DSP: variants seen among roughly 807,000 people sequenced by gnomAD.
DSP encodes 250/210 kDa paraneoplastic pemphigus antigen.
In DSP, 114 loss-of-function variants were observed where a neutral mutation model predicts 290.6. That is an observed-to-expected ratio of 0.39 (90% CI 0.34 to 0.46). The LOEUF (loss-of-function observed/expected upper bound fraction) is 0.46, where lower values mean the gene tolerates loss of function less well. Among genes scored for constraint, DSP ranks in the 20% least tolerant of loss-of-function variants. The probability of loss-of-function intolerance (pLI) is 0.99; values close to 1 mark genes in which losing one functional copy is unlikely to be tolerated. For missense variants in DSP, 3,230 were observed against 3,495.8 expected, an observed-to-expected ratio of 0.92 and a Z score of 1.92; for synonymous variants, 1,311 against 1,316.4, an observed-to-expected ratio of 1.00 and a Z score of 0.09.
chr6:7,575,610 T>A, intron 18 of DSP, 122 bp downstream of exon 18: 1 of 1,161,986 alleles, frequency 8.6e-7, no homozygotes. Flanking sequence ...AAGTTAGGCG[T>A]AACAGATGCT....
rs1236519019 is a variant in DSP, at chr6:7,583,727, T to C, written c.6465T>C (p.Asp2155=). 4 of 1,613,950 alleles carry C rather than the reference T, an allele frequency of 2.5e-6. No individual in the cohort carries two copies. Among genetic ancestry groups the C allele is most frequent in the Admixed American group, 3.3e-5 (2 of 59,988 alleles). The stretch of plus-strand genomic sequence containing the variant: ...TCGCCTTGGCCCGGGGGCTGATTGA[T>C]AGAGATTTGTATCGATCCCTGAATG... ...KDVALARGLI[D]RDLYRSLNDP... Residue 2155 remains aspartate, a synonymous_variant, in exon 24 of 24, where the codon GAT becomes GAC. Transcript: ENST00000379802. The surrounding 1 kb of genome is among the most constrained non-coding windows in gnomAD (Gnocchi z 4.0).
At chr6:7,568,832 C>T (rs1159246491) in intron 11 of DSP, among the ~76,000 whole-genome samples, 1 of 152,110 alleles carries the variant, frequency 6.6e-6, no homozygotes, top group Admixed American at 6.5e-5. Flanking sequence ...TAATACTTTT[C>T]TTCTAGTATG....
In DSP at chr6:7,574,094, G is replaced by T. The variant is rs1404956270; in HGVS notation, c.2139G>T (p.Gln713His). Residue 713 changes from glutamine to histidine, a missense_variant, in exon 16 of 24, where the codon CAG becomes CAT. Around this residue, in one of 5 missense-constraint regions of DSP, gnomAD observed 1,714 missense variants for 1,844.5 expected, o/e 0.93. Coordinates refer to ENST00000379802, the MANE Select transcript of DSP (RefSeq NM_004415.4). ...TVKINELKSV[Q>H]NDSQAIAEVL... is the part of the protein sequence containing the mutation. ...TCCTTCATTTTTGACAGAGTGTGCA[G>T]AATGATTCACAAGCAATTGCTGAGG... 1.2e-6 allele frequency: 2 copies of T among 1,614,074 alleles called. No individual in the cohort carries two copies. The highest frequency in any genetic ancestry group is 1.7e-6 in the Non-Finnish European group (2 of 1,179,958).
Position 7,575,360 on chromosome 6 carries a change from A to G in DSP, c.2502A>G (p.Lys834=), listed in dbSNP as rs764842338. ...LLATMKTELQ[K]AQQIHSQTSQ... is the part of the protein sequence containing the mutation. ...CCACTATGAAGACAGAACTACAGAA[A>G]GCCCAGCAGATCCACTCTCAGACTT... The change falls in exon 18 of 24, where the codon AAA becomes AAG. Residue 834 remains lysine (K), a synonymous_variant. Transcript: ENST00000379802. The G allele has an allele frequency of 5.0e-6, 8 of 1,614,160 alleles. No homozygotes were observed. Among genetic ancestry groups the G allele is most frequent in the Non-Finnish European group, 6.8e-6 (8 of 1,180,036 alleles).
chr6:7,543,378 G>C (rs1301126421), intron 1 of DSP, among the ~76,000 whole-genome samples: 1 of 141,368 alleles, frequency 7.1e-6, no homozygotes, highest in Admixed American at 7.1e-5. Flanking sequence ...GGGGCATCCT[G>C]AAAATCTATT....
intron 3 of DSP, among the ~76,000 whole-genome samples, chr6:7,558,589 G>A (rs1016876927): frequency 4.1e-5 from 6 of 145,170 alleles, no homozygotes; most frequent in East Asian, 2.0e-4. Context: ...AATGTGGCTC[G>A]CCGCAGCCTC....
intron 1 of DSP, 99 bp downstream of exon 1, chr6:7,542,184 A>C: frequency 2.0e-6 from 3 of 1,493,332 alleles, no homozygotes; most frequent in Non-Finnish European, 2.7e-6. Flanking sequence ...CGAAGGTGGA[A>C]AGGTTTTTTT....
intron 4 of DSP, among the ~76,000 whole-genome samples, chr6:7,560,579 A>G (rs1441921538): frequency 6.6e-6 from 1 of 152,220 alleles, no homozygotes; most frequent in Non-Finnish European, 1.5e-5. Context: ...AATGAATGTT[A>G]TCGAAGAAAA....
At position 7,565,533 on chromosome 6, in the gene DSP, C is replaced by A; in HGVS notation, c.939+13C>A. The A allele has an allele frequency of 6.2e-7, 1 of 1,613,784 alleles. No individual in the cohort carries two copies. The highest frequency in any genetic ancestry group is 1.3e-5 in the African/African-American group (1 of 75,002). ...GGAGGCCTTCTCCGTAAGTTCACCCCACGCGGCTGTAGATGCTTGTCTTGA... is the reference window on the plus strand; with the variant it reads ...GGAGGCCTTCTCCGTAAGTTCACCCAACGCGGCTGTAGATGCTTGTCTTGA... On this transcript the variant is annotated intron_variant, in intron 7 of 23. Transcript: ENST00000379802. The surrounding 1 kb of genome is among the most constrained non-coding windows in gnomAD (Gnocchi z 4.2).
intron 20 of DSP, 84 bp from the exon 21 acceptor site, chr6:7,577,695 G>C: frequency 8.9e-7 from 1 of 1,127,598 alleles, no homozygotes; most frequent in Non-Finnish European, 1.3e-6. Context: ...GCAGCCCAAT[G>C]ATTTAAAACT....
At chr6:7,563,341 A>T in intron 5 of DSP, among the ~76,000 whole-genome samples, 1 of 142,338 alleles carries the variant, frequency 7.0e-6, no homozygotes, top group Non-Finnish European at 1.5e-5. Context: ...ACCTGAGACC[A>T]TAGCTTCTCA....
chr6:7,549,669 T>C (rs1236225054), intron 1 of DSP, among the ~76,000 whole-genome samples: 4 of 152,158 alleles, frequency 2.6e-5, no homozygotes, highest in African/African-American at 9.7e-5. Context: ...CCTAGGTAAT[T>C]ATTCTGTGAA....
intron 1 of DSP, among the ~76,000 whole-genome samples, chr6:7,547,904 T>C (rs1758211347): frequency 6.6e-6 from 1 of 152,196 alleles, no homozygotes; most frequent in African/African-American, 2.4e-5. Flanking sequence ...CTCTTTTTTT[T>C]CTTATCACCC....
intron 13 of DSP, among the ~76,000 whole-genome samples, chr6:7,571,176 C>CAAA (rs200091877): frequency 4.0e-5 from 3 of 74,566 alleles, no homozygotes; most frequent in African/African-American, 1.5e-4. Flanking sequence ...ATTCTGTAGG[C>CAAA]AAAAAAAAAA....
At position 7,585,947 on chromosome 6, in the gene DSP, A is replaced by C. The variant is rs1759660028; in HGVS notation, c.*69A>C. 3 of 1,497,290 alleles carry C rather than the reference A, an allele frequency of 2.0e-6. 1 individual carries two copies. The African/African-American group carries it at 4.1e-5, about 21-fold the overall frequency. 92.8% of individuals were successfully genotyped at this position (1,497,290 alleles called of 1,614,324 possible). On this transcript the variant is annotated 3_prime_UTR_variant, in exon 24 of 24. Transcript: ENST00000379802. ...GAATTTCCACTTTATTAAATAATAGAAAAGAAAATCCCGGTGCTTGCAGTA... is the reference window on the plus strand; with the variant it reads ...GAATTTCCACTTTATTAAATAATAGCAAAGAAAATCCCGGTGCTTGCAGTA...
chr6:7,575,273 C>CT lies in DSP; in HGVS notation c.2437-11dup, dbSNP rs727502998. 8,503 of 1,120,898 alleles carry CT rather than the reference C, an allele frequency of 7.6e-3. No homozygotes were observed. The highest frequency in any genetic ancestry group is 9.0e-3 in the Non-Finnish European group (7,233 of 802,200). The allele number at this position is 1,120,898 out of a possible 1,614,324, so 69.4% of individuals were successfully genotyped here. ...ATGGGAGAAGGGATTAATTTGCAAT[C>CT]TTTTTTTTTTTCATCTTGCAGAAAA... On this transcript the variant is annotated intron_variant, in intron 17 of 23. Transcript: ENST00000379802.
chr6:7,570,681 C>T, intron 13 of DSP, 118 bp downstream of exon 13: 10 of 1,435,902 alleles, frequency 7.0e-6, no homozygotes, highest in Non-Finnish European at 8.6e-6. Context: ...TCTCGTCAAG[C>T]AAGTCAGCTC....
chr6:7,554,082 A>AACACACACACACACAC (rs10658102), intron 1 of DSP, among the ~76,000 whole-genome samples: 7,487 of 115,732 alleles, frequency 0.065, 402 homozygotes, highest in East Asian at 0.084. Flanking sequence ...CTTTCTTTAA[A>AACACACACACACACAC]ACACACACAC....
rs367752002 is a variant in DSP at position 7,576,347 on chromosome 6, A to G, written c.2684A>G (p.Tyr895Cys). ...IKQLRNYRDNYQAFCKWLYDA... is the reference protein window; with the variant it reads ...IKQLRNYRDNCQAFCKWLYDA... ...CAATTGAGGAATTATCGTGATAACT[A>G]TCAGGCTTTCTGCAAGTGGCTCTAT... The change falls in exon 19 of 24, where the codon TAT becomes TGT. Residue 895 changes from tyrosine to cysteine, a missense_variant. By Grantham distance (194) the Tyr-to-Cys change is radical. Coordinates refer to ENST00000379802, the MANE Select transcript of DSP (RefSeq NM_004415.4). 166 of 1,614,150 alleles carry G rather than the reference A, an allele frequency of 1.0e-4. No homozygotes were observed. In the Middle Eastern group the frequency reaches 2.0e-3, roughly 19 times the overall value.
Sources: gnomAD v4.1 joint callset for allele counts (sites outside exome capture counted in the v4.1 genomes callset) on GRCh38, gnomAD v4.1.1 for gene constraint, gnomAD v4.1.1 regional missense constraint, Gnocchi (gnomAD v3.1) non-coding constraint, MANE v1.5 for transcripts, NCBI Gene and HGNC (gene_info 2026-07-23, HGNC 2026-07-21) for gene names.